Variants in FAM13A observed in about 807,000 individuals in gnomAD.
The protein encoded by FAM13A is protein FAM13A.
In FAM13A, 76 loss-of-function variants were observed where a neutral mutation model predicts 129.6. The ratio of observed to expected loss-of-function variants is 0.59; its 90% CI spans 0.49 to 0.71. The LOEUF is 0.71. Among genes scored for constraint, FAM13A ranks in the 30% least tolerant of loss-of-function variants. The pLI is 0.00. For synonymous variants in FAM13A, 443 were observed against 449.9 expected (o/e 0.98, Z 0.20); for missense variants, 1,108 against 1,249.3 (o/e 0.89, Z 1.70).
chr4:88,849,425 A>G (rs1737184238), intron 7 of FAM13A, among the ~76,000 whole-genome samples: 1 of 152,122 alleles, frequency 6.6e-6, no homozygotes. Context: ...CTCTGGGATA[A>G]AATCGAGGTT....
chr4:88,812,739 A>G (rs1729904478), intron 7 of FAM13A, among the ~76,000 whole-genome samples: 1 of 152,178 alleles, frequency 6.6e-6, no homozygotes, highest in African/African-American at 2.4e-5. Flanking sequence ...TCATTTCCAG[A>G]TTTGTTGTTA....
At chr4:88,791,883 C>T (rs1725244861) in intron 8 of FAM13A, among the ~76,000 whole-genome samples, 1 of 152,064 alleles carries the variant, frequency 6.6e-6, no homozygotes, top group South Asian at 2.1e-4. Context: ...CCTCCCACTA[C>T]CACCACCATC....
intron 7 of FAM13A, among the ~76,000 whole-genome samples, chr4:88,824,961 G>A (rs534019993): frequency 6.6e-6 from 1 of 152,122 alleles, no homozygotes; most frequent in East Asian, 1.9e-4. Context: ...GCCCACCTCG[G>A]CCTCCCAAAG....
chr4:88,925,594 A>G (rs1007694204), intron 5 of FAM13A, among the ~76,000 whole-genome samples: 1 of 151,364 alleles, frequency 6.6e-6, no homozygotes, highest in Non-Finnish European at 1.5e-5. Context: ...CCTAATGCTA[A>G]ATGTCGAGTT....
In FAM13A at chr4:88,726,339, A is replaced by G. The variant is rs2149364603; in HGVS notation, c.*2194T>C. The G allele has an allele frequency of 6.6e-6, 1 of 152,174 alleles. No homozygotes were observed. Among genetic ancestry groups the G allele is most frequent in the East Asian group, 1.9e-4 (1 of 5,178 alleles). The allele number at this position is 152,174 out of a possible 1,614,324, so 9.4% of individuals were successfully genotyped here. A position where few individuals can be genotyped will look rare whatever the true frequency, so the allele number is the denominator to read the frequency against. On this transcript the variant is annotated 3_prime_UTR_variant, in exon 24 of 24. Coordinates refer to ENST00000264344, the MANE Select transcript of FAM13A (RefSeq NM_014883.4). ...GTTAGTGGAAATTACAAAGGAAAAC[A>G]CAACATCTCATACACAATTTATTTT... is the stretch of plus-strand genomic sequence containing the variant.
intron 5 of FAM13A, among the ~76,000 whole-genome samples, chr4:88,921,182 A>G (rs1453268563): frequency 1.3e-5 from 2 of 152,054 alleles, no homozygotes; most frequent in African/African-American, 4.8e-5. Context: ...CAACATTCAG[A>G]TTCAGGAAAT....
intron 5 of FAM13A, among the ~76,000 whole-genome samples, chr4:88,912,741 A>G (rs1749289969): frequency 6.6e-6 from 1 of 152,122 alleles, no homozygotes; most frequent in Admixed American, 6.6e-5. Context: ...TCTATTGGTT[A>G]TTGGTTTATT....
chr4:88,961,645 G>A (rs761518757), intron 4 of FAM13A, among the ~76,000 whole-genome samples: 3 of 152,084 alleles, frequency 2.0e-5, no homozygotes, highest in Non-Finnish European at 2.9e-5. Context: ...GGGATTACAC[G>A]CGTGAGCCAC....
At chr4:88,873,598 T>C (rs918656646) in intron 6 of FAM13A, among the ~76,000 whole-genome samples, 38 of 152,280 alleles carry the variant, frequency 2.5e-4, no homozygotes, top group African/African-American at 4.8e-4. Context: ...CAGGAAGAAG[T>C]TGAATCGCTG....
intron 6 of FAM13A, among the ~76,000 whole-genome samples, chr4:88,857,740 C>T (rs917643092): frequency 6.6e-6 from 1 of 151,372 alleles, no homozygotes; most frequent in Non-Finnish European, 1.5e-5. Context: ...TTTTCCTCAA[C>T]TCTGCCCCTC....
chr4:88,930,669 C>T (rs965086080), intron 5 of FAM13A, among the ~76,000 whole-genome samples: 4 of 152,114 alleles, frequency 2.6e-5, no homozygotes, highest in African/African-American at 9.7e-5. Flanking sequence ...ATTCTTGGGC[C>T]TCCTGGTGGC....
chr4:88,879,567 G>A (rs1743185303), intron 6 of FAM13A, among the ~76,000 whole-genome samples: 2 of 152,144 alleles, frequency 1.3e-5, no homozygotes, highest in African/African-American at 4.8e-5. Flanking sequence ...TTCCTTCTAG[G>A]CACATCCTAG....
chr4:88,924,792 T>C (rs1214511590), intron 5 of FAM13A, among the ~76,000 whole-genome samples: 4 of 150,934 alleles, frequency 2.7e-5, no homozygotes, highest in South Asian at 2.1e-4. Flanking sequence ...AGAAAATTTT[T>C]GCAACCTACT....
intron 4 of FAM13A, among the ~76,000 whole-genome samples, chr4:88,947,800 A>T (rs536563157): frequency 6.6e-6 from 1 of 151,988 alleles, no homozygotes; most frequent in East Asian, 2.0e-4. Flanking sequence ...CTTTACAGTA[A>T]ATTTGTTACA....
chr4:89,029,300 G>A (rs1768386048), intron 2 of FAM13A, among the ~76,000 whole-genome samples, 160 bp downstream of exon 2: 1 of 152,122 alleles, frequency 6.6e-6, no homozygotes, highest in Non-Finnish European at 1.5e-5. Context: ...AAGCAGTAAT[G>A]CCCTTTTTTA....
At chr4:88,903,957 A>C (rs1747737951) in intron 6 of FAM13A, among the ~76,000 whole-genome samples, 1 of 152,228 alleles carries the variant, frequency 6.6e-6, no homozygotes, top group Admixed American at 6.5e-5. Context: ...AAGTGGGTAA[A>C]GGACATGAAC....
chr4:89,046,872 C>G (rs2149172685), intron 1 of FAM13A, among the ~76,000 whole-genome samples: 1 of 151,248 alleles, frequency 6.6e-6, no homozygotes. Context: ...AAAAGTAACT[C>G]AAAGAGTTGA....
At chr4:88,993,589 C>T (rs1393499153) in intron 3 of FAM13A, among the ~76,000 whole-genome samples, 4 of 152,192 alleles carry the variant, frequency 2.6e-5, no homozygotes, top group Non-Finnish European at 4.4e-5. Context: ...GCAGCATTTT[C>T]ATCATTTTCC....
chr4:88,990,478 C>G (rs1762799210), intron 4 of FAM13A: 1 of 152,238 alleles, frequency 6.6e-6, no homozygotes, highest in Non-Finnish European at 1.5e-5. Context: ...TTAAGCTTTA[C>G]AAAAGTTCCT....
Sources: allele counts gnomAD v4.1 joint callset (sites outside exome capture counted in the v4.1 genomes callset), GRCh38; gene constraint gnomAD v4.1.1; transcripts MANE v1.5; gene names NCBI Gene and HGNC (gene_info 2026-07-23, HGNC 2026-07-21).